The following NR3C2 variants were observed in gnomAD, a reference collection of about 807,000 sequenced individuals.
The protein encoded by NR3C2 is mineralocorticoid receptor.
In NR3C2, 15 loss-of-function variants were observed where a neutral mutation model predicts 86.4. That is an observed-to-expected ratio of 0.17 (90% CI 0.12 to 0.27). NR3C2 has a LOEUF of 0.27. Ranked by LOEUF, NR3C2 falls within the 10% of genes least tolerant of loss-of-function variation. The pLI, the probability that NR3C2 is intolerant of heterozygous loss-of-function variation, is 1.00. For missense variants in NR3C2, 960 were observed against 1,195.6 expected (o/e 0.80, Z 2.91); for synonymous variants, 458 against 450.5 (o/e 1.02, Z -0.21).
chr4:148,440,317 G>A (rs1750274585), intron 1 of NR3C2, among the ~76,000 whole-genome samples: 1 of 152,232 alleles, frequency 6.6e-6, no homozygotes, highest in African/African-American at 2.4e-5. Context: ...CATCCAGGAA[G>A]CAGAGGTTAT....
At chr4:148,234,362 A>G (rs1309373693) in intron 3 of NR3C2, among the ~76,000 whole-genome samples, 1 of 152,122 alleles carries the variant, frequency 6.6e-6, no homozygotes, top group African/African-American at 2.4e-5. Flanking sequence ...CAGTACTTAT[A>G]TAACCTTATT....
At chr4:148,286,910 A>C (rs1169189561) in intron 2 of NR3C2, among the ~76,000 whole-genome samples, 1 of 152,222 alleles carries the variant, frequency 6.6e-6, no homozygotes, top group Non-Finnish European at 1.5e-5. Flanking sequence ...ATGTCGTTAG[A>C]GAGTCAAGTC....
chr4:148,443,692 C>T (rs1438441287), upstream of NR3C2, among the ~76,000 whole-genome samples: 2 of 152,236 alleles, frequency 1.3e-5, no homozygotes, highest in African/African-American at 4.8e-5. Flanking sequence ...ACACCTAAAT[C>T]TGGTCCCCCG....
In NR3C2 at chr4:148,154,681, A is replaced by G; in HGVS notation, c.2235T>C (p.Ile745=). The change falls in exon 5 of 9, where the codon ATT becomes ATC. Residue 745 remains isoleucine (I), a synonymous_variant. Transcript: ENST00000358102. ...TPSPVMVLEN[I]EPEIVYAGYD... is the part of the protein sequence containing the mutation. ...AGCCTGCATATACAATTTCAGGTTCAATGTTTTCAAGGACCATAACGGGGG... is the reference window on the plus strand; with the variant it reads ...AGCCTGCATATACAATTTCAGGTTCGATGTTTTCAAGGACCATAACGGGGG... 2 of 1,614,154 alleles carry G rather than the reference A, an allele frequency of 1.2e-6. No individual in the cohort carries two copies. Among genetic ancestry groups the G allele is most frequent in the African/African-American group, 1.3e-5 (1 of 75,034 alleles).
chr4:148,429,096 A>C (rs1749684339), intron 2 of NR3C2, among the ~76,000 whole-genome samples: 3 of 151,942 alleles, frequency 2.0e-5, no homozygotes, highest in Admixed American at 1.3e-4. Flanking sequence ...TCCAGTAAGT[A>C]CCCACTACCC....
At chr4:148,183,387 G>C (rs567257597) in intron 4 of NR3C2, among the ~76,000 whole-genome samples, 1 of 152,302 alleles carries the variant, frequency 6.6e-6, no homozygotes, top group South Asian at 2.1e-4. Flanking sequence ...GTTCCTTGAG[G>C]AATCGCCACA....
Position 148,435,348 on chromosome 4 carries a change from C to T in NR3C2, c.1513G>A (p.Glu505Lys), listed in dbSNP as rs774066754. The change falls in exon 2 of 9, where the codon GAG (glutamate) becomes AAG (lysine). Residue 505 changes from glutamate to lysine, a missense_variant. Around this residue, in one of 4 missense-constraint regions of NR3C2, gnomAD observed 680 missense variants for 719.0 expected, o/e 0.95. Coordinates refer to ENST00000358102, the MANE Select transcript of NR3C2 (RefSeq NM_000901.5). ...QEPDDGSYYP[E>K]ASIPSSAIVG... is the part of the protein sequence containing the mutation. The stretch of plus-strand genomic sequence containing the variant: ...ATAGCAGAGGAAGGGATGCTGGCCT[C>T]TGGGTAATAGCTCCCATCATCTGGT... The T allele has an allele frequency of 6.1e-5, 98 of 1,614,070 alleles. No individual in the cohort carries two copies. The highest frequency in any genetic ancestry group is 8.1e-5 in the Non-Finnish European group (96 of 1,180,050).
chr4:148,231,925 C>A (rs1738484451), intron 3 of NR3C2, among the ~76,000 whole-genome samples: 1 of 152,170 alleles, frequency 6.6e-6, no homozygotes, highest in Non-Finnish European at 1.5e-5. Flanking sequence ...AGCATTTCCT[C>A]ATTAATTCAA....
intron 6 of NR3C2, among the ~76,000 whole-genome samples, chr4:148,123,686 A>G (rs12500487): frequency 0.52 from 79,817 of 152,104 alleles, 21,131 homozygotes; most frequent in East Asian, 0.71. Flanking sequence ...AAGAACCTAC[A>G]TTGAAATACT....
chr4:148,125,521 A>G (rs115055343), intron 6 of NR3C2, among the ~76,000 whole-genome samples: 391 of 152,312 alleles, frequency 2.6e-3, no homozygotes, highest in African/African-American at 8.8e-3. Flanking sequence ...CACCCTGCCT[A>G]TGAATTTCCT....
chr4:148,385,370 C>T (rs1314564881), intron 2 of NR3C2, among the ~76,000 whole-genome samples: 5 of 152,192 alleles, frequency 3.3e-5, no homozygotes, highest in African/African-American at 1.2e-4. Context: ...AAGCATTCAT[C>T]CCTGAGGTAG....
At chr4:148,152,675 T>C (rs761372235) in intron 5 of NR3C2, 62 bp from the exon 6 acceptor site, 29 of 1,561,536 alleles carry the variant, frequency 1.9e-5, no homozygotes, top group Non-Finnish European at 2.6e-5. Flanking sequence ...TCCAGGAAGA[T>C]GCTTCTTAAG....
chr4:148,332,472 C>A (rs1744277931), intron 2 of NR3C2, among the ~76,000 whole-genome samples: 1 of 152,196 alleles, frequency 6.6e-6, no homozygotes, highest in African/African-American at 2.4e-5. Context: ...ACGTCCCTCC[C>A]ATTTATCAAG....
At chr4:148,326,517 TC>T (rs1743979815) in intron 2 of NR3C2, among the ~76,000 whole-genome samples, 1 of 152,218 alleles carries the variant, frequency 6.6e-6, no homozygotes, top group Non-Finnish European at 1.5e-5. Context: ...GTGAGAGCTT[TC>T]TTCAGAGAAA....
chr4:148,420,965 G>A (rs1414035478), intron 2 of NR3C2, among the ~76,000 whole-genome samples: 2 of 152,124 alleles, frequency 1.3e-5, no homozygotes, highest in East Asian at 1.9e-4. Flanking sequence ...GCAGAAGTAC[G>A]AGCCAATTAC....
In NR3C2 at chr4:148,260,013, C is replaced by T. The variant is rs1297567991; in HGVS notation, c.1862G>A (p.Gly621Asp). The T allele has an allele frequency of 6.2e-7, 1 of 1,614,150 alleles. No individual in the cohort carries two copies. Among genetic ancestry groups the T allele is most frequent in the Non-Finnish European group, 8.5e-7 (1 of 1,180,020 alleles). Reference sequence around the variant, plus strand: ...TCTTTTGAAGAAAACTTTGCAGCTGCCACAGGTGACTACCCCATAATGGCA... The same window carrying T: ...TCTTTTGAAGAAAACTTTGCAGCTGTCACAGGTGACTACCCCATAATGGCA... ...SGCHYGVVTC[G>D]SCKVFFKRAV... The change falls in exon 3 of 9, where the codon GGC (glycine) becomes GAC (aspartate). Residue 621 changes from glycine (G) to aspartate (D), a missense_variant. Around this residue, in one of 4 missense-constraint regions of NR3C2, gnomAD observed 47 missense variants for 107.3 expected, o/e 0.44. Coordinates refer to ENST00000358102, the MANE Select transcript of NR3C2 (RefSeq NM_000901.5).
At chr4:148,181,612 CT>C (rs1735648770) in intron 4 of NR3C2, among the ~76,000 whole-genome samples, 2 of 152,184 alleles carry the variant, frequency 1.3e-5, no homozygotes, top group African/African-American at 4.8e-5. Context: ...GAATTAATTC[CT>C]TTGAAAAAAG....
At chr4:148,272,496 A>G (rs1740738805) in intron 2 of NR3C2, among the ~76,000 whole-genome samples, 1 of 152,152 alleles carries the variant, frequency 6.6e-6, no homozygotes, top group South Asian at 2.1e-4. Context: ...GGACCCTTGG[A>G]ATTTATTTAA....
chr4:148,155,758 CTACTT>C, intron 4 of NR3C2, among the ~76,000 whole-genome samples: 1 of 151,482 alleles, frequency 6.6e-6, no homozygotes, highest in South Asian at 2.1e-4. Flanking sequence ...TTGGAAAAAA[CTACTT>C]TAAAGTTCAT....
Sources: gnomAD v4.1 joint callset for allele counts (sites outside exome capture counted in the v4.1 genomes callset) on GRCh38, gnomAD v4.1.1 for gene constraint, gnomAD v4.1.1 regional missense constraint, MANE v1.5 for transcripts, NCBI Gene and HGNC (gene_info 2026-07-23, HGNC 2026-07-21) for gene names.